GLIPR1L2: variants seen among roughly 807,000 people sequenced by gnomAD.
The protein encoded by GLIPR1L2 is GLIPR1-like protein 2.
A neutral mutation model predicts 28.4 loss-of-function variants in GLIPR1L2; 21 were observed. The ratio of observed to expected loss-of-function variants is 0.74; its 90% CI spans 0.52 to 1.06. The LOEUF (loss-of-function observed/expected upper bound fraction) is 1.06. GLIPR1L2 is among the 50% of genes least tolerant of loss of function. The pLI is 0.00. For missense variants in GLIPR1L2, 476 were observed against 416.9 expected, an observed-to-expected ratio of 1.14 and a Z score of -1.23; for synonymous variants, 145 against 139.3, an observed-to-expected ratio of 1.04 and a Z score of -0.29.
chr12:75,391,553 C>G (rs1473025394), intron 1 of GLIPR1L2: 1 of 1,516,584 alleles, frequency 6.6e-7, no homozygotes, highest in East Asian at 2.5e-5. Context: ...TGATATTACA[C>G]AGGGCCAGGA....
chr12:75,409,605 T>A (rs2045841217), intron 1 of GLIPR1L2, among the ~76,000 whole-genome samples: 1 of 147,132 alleles, frequency 6.8e-6, no homozygotes, highest in African/African-American at 2.5e-5. Context: ...ATATTCTCTG[T>A]CTTCTCTTAT....
At chr12:75,400,826 T>G (rs577588369) in intron 1 of GLIPR1L2, among the ~76,000 whole-genome samples, 1 of 152,272 alleles carries the variant, frequency 6.6e-6, no homozygotes, top group South Asian at 2.1e-4. Flanking sequence ...CAGTATTTAG[T>G]GTATTAGGGC....
chr12:75,432,146 A>G lies in GLIPR1L2; in HGVS notation c.*985A>G, dbSNP rs1338788477. On this transcript the variant is annotated 3_prime_UTR_variant, in exon 6 of 6. Coordinates refer to ENST00000550916, the MANE Select transcript of GLIPR1L2 (RefSeq NM_001270396.2). ...AGGGAAAAACTTGATTCCCATGAAA[A>G]TATTCCTGAACTCAGCACCTTATAT... 2.6e-5 allele frequency: 4 copies of G among 152,186 alleles called. No individual in the cohort carries two copies. Among genetic ancestry groups the G allele is most frequent in the Non-Finnish European group, 5.9e-5 (4 of 67,998 alleles). 9.4% of individuals were successfully genotyped at this position (152,186 alleles called of 1,614,324 possible).
At chr12:75,426,096 A>C (rs1415142682) in intron 4 of GLIPR1L2, among the ~76,000 whole-genome samples, 2 of 152,194 alleles carry the variant, frequency 1.3e-5, no homozygotes, top group African/African-American at 4.8e-5. Flanking sequence ...TAATAAAACA[A>C]ATTTTACAGA....
At chr12:75,414,335 A>C (rs1242083244) in intron 3 of GLIPR1L2, among the ~76,000 whole-genome samples, 1 of 152,026 alleles carries the variant, frequency 6.6e-6, no homozygotes, top group Non-Finnish European at 1.5e-5. Flanking sequence ...ATATAATACT[A>C]TAAATAATAT....
rs1012566063 is a variant in GLIPR1L2 at position 75,431,914 on chromosome 12, G to T, written c.*753G>T. ...TTGTTATTCAATAGGTATAGTAAAA[G>T]TTAACAGATTAATAAGATAACTGCT... On this transcript the variant is annotated 3_prime_UTR_variant, in exon 6 of 6. Coordinates refer to ENST00000550916, the MANE Select transcript of GLIPR1L2 (RefSeq NM_001270396.2). The T allele has an allele frequency of 2.0e-5, 3 of 151,894 alleles. No homozygotes were observed. Among genetic ancestry groups the T allele is most frequent in the Admixed American group, 6.6e-5 (1 of 15,254 alleles). The allele number at this position is 151,894 out of a possible 1,614,324, so 9.4% of individuals were successfully genotyped here. A position where few individuals can be genotyped will look rare whatever the true frequency, so the allele number is the denominator to read the frequency against.
At chr12:75,426,554 C>T (rs74108787) in intron 4 of GLIPR1L2, among the ~76,000 whole-genome samples, 3,754 of 152,248 alleles carry the variant, frequency 0.025, 146 homozygotes, top group African/African-American at 0.086. Flanking sequence ...ATTTGCATTC[C>T]TGTCATTGGC....
In GLIPR1L2 at chr12:75,413,487, C is replaced by G. The variant is rs535625371; in HGVS notation, c.481-111C>G. On this transcript the variant is annotated intron_variant, in intron 2 of 5. Coordinates refer to ENST00000550916, the MANE Select transcript of GLIPR1L2 (RefSeq NM_001270396.2). The stretch of plus-strand genomic sequence containing the variant: ...CTCTAAATGAAAATAGTTTATATTT[C>G]TTGAATTGCTTGGTGAAAAGTTCTA... 1.5e-3 allele frequency: 962 copies of G among 637,244 alleles called. 6 individuals carry two copies. Among genetic ancestry groups the G allele is most frequent in the Middle Eastern group, 0.015 (35 of 2,382 alleles). 39.5% of individuals were successfully genotyped at this position (637,244 alleles called of 1,614,324 possible).
intron 3 of GLIPR1L2, among the ~76,000 whole-genome samples, chr12:75,414,345 T>C (rs944897125): frequency 6.6e-6 from 1 of 151,984 alleles, no homozygotes; most frequent in Non-Finnish European, 1.5e-5. Flanking sequence ...ATAAATAATA[T>C]TATTATAACT....
At chr12:75,418,604 G>A (rs754964129) in intron 3 of GLIPR1L2, among the ~76,000 whole-genome samples, 7 of 152,072 alleles carry the variant, frequency 4.6e-5, no homozygotes, top group South Asian at 2.1e-4. Context: ...GTTTGAAGTC[G>A]GGTAACGTGA....
intron 1 of GLIPR1L2, among the ~76,000 whole-genome samples, chr12:75,394,867 A>G (rs991182468): frequency 1.3e-5 from 2 of 151,530 alleles, no homozygotes; most frequent in African/African-American, 4.8e-5. Context: ...AAGTATTCCA[A>G]TACTTTAACA....
intron 1 of GLIPR1L2, among the ~76,000 whole-genome samples, chr12:75,408,943 T>C (rs1297221128): frequency 2.0e-5 from 3 of 151,976 alleles, no homozygotes; most frequent in African/African-American, 7.2e-5. Flanking sequence ...TAGGGAGATA[T>C]TCTAAAGGTC....
intron 1 of GLIPR1L2, 168 bp downstream of exon 1, chr12:75,391,518 A>T (rs2045596031): frequency 6.5e-7 from 1 of 1,532,994 alleles, no homozygotes; most frequent in Non-Finnish European, 8.7e-7. Context: ...AAAACTGCGG[A>T]CACTCTAACA....
intron 4 of GLIPR1L2, among the ~76,000 whole-genome samples, chr12:75,428,698 T>C (rs1482300018): frequency 6.6e-6 from 1 of 152,190 alleles, no homozygotes; most frequent in Non-Finnish European, 1.5e-5. Context: ...AAAAATTGTT[T>C]CATGGGCCAG....
chr12:75,418,934 G>T (rs1476056838), intron 3 of GLIPR1L2, among the ~76,000 whole-genome samples: 1 of 152,032 alleles, frequency 6.6e-6, no homozygotes, highest in African/African-American at 2.4e-5. Context: ...AACACCACAT[G>T]TTCTCACTCA....
chr12:75,409,891 A>G (rs1428222160), intron 1 of GLIPR1L2, among the ~76,000 whole-genome samples: 1 of 148,914 alleles, frequency 6.7e-6, no homozygotes, highest in East Asian at 2.0e-4. Flanking sequence ...TATCTAATCC[A>G]ATATATATAA....
In GLIPR1L2 at chr12:75,399,591, G is replaced by GT. The variant is rs1240619906; in HGVS notation, c.234+8248dup. Among the ~76,000 whole-genome samples, 7 of 152,074 alleles carry GT rather than the reference G, an allele frequency of 4.6e-5. No individual in the cohort carries two copies. The South Asian group carries it at 8.3e-4, about 18-fold the overall frequency. Reference sequence around the variant, plus strand: ...TCCTTTAATGATTATTTTTCTATTAGTTTTTTTGCCTTTTTTTCTCCCATT... The same window carrying GT: ...TCCTTTAATGATTATTTTTCTATTAGTTTTTTTTGCCTTTTTTTCTCCCATT... On this transcript the variant is annotated intron_variant, in intron 1 of 5. Transcript: ENST00000550916.
intron 1 of GLIPR1L2, among the ~76,000 whole-genome samples, chr12:75,396,363 C>A (rs997451839): frequency 3.3e-5 from 5 of 152,050 alleles, no homozygotes; most frequent in African/African-American, 9.7e-5. Context: ...AGAGTTTTGC[C>A]ATGTTGCCCA....
rs2046085439 is a variant in GLIPR1L2, at chr12:75,430,918, T to C, written c.792T>C (p.Phe264=). ...TFILLLRILC[F]ILCVITVLIV... ...TTTTATTATTGAGAATATTATGTTT[T>C]ATCCTGTGTGTCATAACTGTTTTGA... The change falls in exon 6 of 6, where the codon TTT becomes TTC. Residue 264 remains phenylalanine, a synonymous_variant. Transcript: ENST00000550916. The C allele has an allele frequency of 6.5e-7, 1 of 1,535,612 alleles. No individual in the cohort carries two copies. Among genetic ancestry groups the C allele is most frequent in the Non-Finnish European group, 8.7e-7 (1 of 1,146,562 alleles).
Sources: gnomAD v4.1 joint callset for allele counts (sites outside exome capture counted in the v4.1 genomes callset) on GRCh38, gnomAD v4.1.1 for gene constraint, MANE v1.5 for transcripts, NCBI Gene and HGNC (gene_info 2026-07-23, HGNC 2026-07-21) for gene names.